The following DNAAF4 variants were observed in gnomAD, a reference collection of about 807,000 sequenced individuals.
DNAAF4 encodes the protein dynein assembly factor 4, axonemal.
In DNAAF4, 43 loss-of-function variants were observed where a neutral mutation model predicts 51.8. That is an observed-to-expected ratio of 0.83 (90% CI 0.65 to 1.07). DNAAF4 has a LOEUF of 1.07. Among genes scored for constraint, DNAAF4 ranks in the 50% least tolerant of loss-of-function variants. DNAAF4 has a pLI of 0.00. For missense variants in DNAAF4, 581 were observed against 493.0 expected, an observed-to-expected ratio of 1.18 and a Z score of -1.69; for synonymous variants, 194 against 165.6, an observed-to-expected ratio of 1.17 and a Z score of -1.32.
At chr15:55,450,494 G>T in intron 5 of DNAAF4, 127 bp from the exon 6 acceptor site, 1 of 1,147,070 alleles carries the variant, frequency 8.7e-7, no homozygotes, top group Non-Finnish European at 1.2e-6. Context: ...TATATTTTCT[G>T]CAAGAAAAGA....
chr15:55,498,294 C>A lies in DNAAF4; in HGVS notation c.36G>T (p.Gln12His). Reference sequence around the variant, plus strand: ...GAGACAGAAAGACCGCAGTCTTCGTCTGCTGCCAGCTGTAATCGCTAACCT... The same window carrying A: ...GAGACAGAAAGACCGCAGTCTTCGTATGCTGCCAGCTGTAATCGCTAACCT... ...PLQVSDYSWQ[Q>H]TKTAVFLSLP... is the part of the protein sequence containing the mutation. Residue 12 changes from glutamine to histidine, a missense_variant, in exon 2 of 10, where the codon CAG becomes CAT. By Grantham distance (24) the Gln-to-His change is conservative (BLOSUM62 0). Coordinates refer to ENST00000321149, the MANE Select transcript of DNAAF4 (RefSeq NM_130810.4). The A allele has an allele frequency of 1.2e-6, 2 of 1,613,200 alleles. No individual in the cohort carries two copies. Among genetic ancestry groups the A allele is most frequent in the Non-Finnish European group, 1.7e-6 (2 of 1,179,514 alleles).
intron 3 of DNAAF4, among the ~76,000 whole-genome samples, chr15:55,491,746 T>C (rs983537430): frequency 1.2e-3 from 176 of 141,518 alleles, no homozygotes; most frequent in African/African-American, 4.4e-3. Context: ...TATATAATAT[T>C]ATATTATAAT....
intron 4 of DNAAF4, among the ~76,000 whole-genome samples, chr15:55,476,454 T>C (rs540934805): frequency 6.6e-6 from 1 of 152,232 alleles, no homozygotes; most frequent in Non-Finnish European, 1.5e-5. Context: ...CCTTATCTCT[T>C]AAAAGAGAAA....
At chr15:55,461,474 T>A (rs1210580937) in intron 5 of DNAAF4, among the ~76,000 whole-genome samples, 1 of 152,160 alleles carries the variant, frequency 6.6e-6, no homozygotes, top group Non-Finnish European at 1.5e-5. Context: ...GGATATTGAC[T>A]TCAAAAGGAA....
chr15:55,489,088 C>CAA (rs370570288), intron 4 of DNAAF4, among the ~76,000 whole-genome samples: 15 of 136,052 alleles, frequency 1.1e-4, no homozygotes, highest in African/African-American at 2.9e-4. Context: ...GACTCCATCT[C>CAA]AAAAAAAAAA....
chr15:55,489,996 A>C (rs2058548585), intron 4 of DNAAF4, among the ~76,000 whole-genome samples: 2 of 150,850 alleles, frequency 1.3e-5, no homozygotes, highest in South Asian at 4.2e-4. Flanking sequence ...GCCTCAGCCT[A>C]CCGAGTAGCT....
chr15:55,488,818 G>A (rs1262780118), intron 4 of DNAAF4, among the ~76,000 whole-genome samples: 7 of 152,208 alleles, frequency 4.6e-5, no homozygotes, highest in African/African-American at 1.7e-4. Flanking sequence ...GCTGGGTGCG[G>A]CAGCTCACAC....
chr15:55,448,944 G>C (rs1005763657), intron 6 of DNAAF4, among the ~76,000 whole-genome samples: 11 of 150,142 alleles, frequency 7.3e-5, no homozygotes, highest in Admixed American at 1.3e-4. Context: ...AAAATACCTT[G>C]TTTAATAATA....
intron 4 of DNAAF4, 93 bp from the exon 5 acceptor site, chr15:55,467,254 C>G: frequency 1.7e-6 from 2 of 1,144,128 alleles, no homozygotes; most frequent in South Asian, 2.9e-5. Context: ...TTATTCATAC[C>G]TCTAAACTCT....
At chr15:55,506,517 T>C (rs996999738) in intron 1 of DNAAF4, among the ~76,000 whole-genome samples, 6 of 152,186 alleles carry the variant, frequency 3.9e-5, no homozygotes, top group Non-Finnish European at 8.8e-5. Flanking sequence ...TCCTGAGTTC[T>C]AATAATAAAA....
At chr15:55,506,550 G>A (rs1348098175) in intron 1 of DNAAF4, among the ~76,000 whole-genome samples, 2 of 152,116 alleles carry the variant, frequency 1.3e-5, no homozygotes, top group Non-Finnish European at 2.9e-5. Context: ...ATTGCCAAAT[G>A]TCTTCTGGGT....
At chr15:55,419,515 G>A (rs11071186) in intron 7 of DNAAF4, among the ~76,000 whole-genome samples, 65,819 of 151,784 alleles carry the variant, frequency 0.43, 15,318 homozygotes, top group East Asian at 0.74. Flanking sequence ...TGGGATTACA[G>A]GAGTGAGCCA....
intron 8 of DNAAF4, among the ~76,000 whole-genome samples, chr15:55,433,324 G>A (rs905216397): frequency 1.3e-5 from 2 of 152,086 alleles, no homozygotes; most frequent in African/African-American, 4.8e-5. Flanking sequence ...CACACAAAAG[G>A]CCTCGGCCGG....
At chr15:55,473,213 A>G (rs1307459250) in intron 4 of DNAAF4, among the ~76,000 whole-genome samples, 2 of 127,614 alleles carry the variant, frequency 1.6e-5, no homozygotes, top group African/African-American at 5.7e-5. Context: ...ATATATATAT[A>G]TATATATATG....
intron 7 of DNAAF4, among the ~76,000 whole-genome samples, chr15:55,423,446 A>C (rs2057404373): frequency 1.3e-5 from 2 of 152,012 alleles, no homozygotes; most frequent in South Asian, 4.2e-4. Flanking sequence ...TCCTGGGCTC[A>C]AGTTATCCTC....
chr15:55,482,734 A>G (rs1466526171), intron 4 of DNAAF4, among the ~76,000 whole-genome samples: 3 of 152,172 alleles, frequency 2.0e-5, no homozygotes, highest in African/African-American at 7.2e-5. Context: ...AAGTACATGA[A>G]TGGTCATAGT....
chr15:55,432,424 A>G, intron 9 of DNAAF4, 73 bp downstream of exon 9: 1 of 1,254,094 alleles, frequency 8.0e-7, no homozygotes, highest in Non-Finnish European at 1.1e-6. Flanking sequence ...AAAAGTCACG[A>G]TCTTAAATAA....
At chr15:55,468,400 T>C (rs1276757746) in intron 4 of DNAAF4, among the ~76,000 whole-genome samples, 1 of 152,212 alleles carries the variant, frequency 6.6e-6, no homozygotes, top group Non-Finnish European at 1.5e-5. Flanking sequence ...CAATTTTACC[T>C]CAGGCTTAAA....
intron 4 of DNAAF4, among the ~76,000 whole-genome samples, chr15:55,479,423 T>A (rs1320988542): frequency 6.6e-6 from 1 of 152,180 alleles, no homozygotes; most frequent in Non-Finnish European, 1.5e-5. Context: ...AAGCTGAGGA[T>A]GTATGTCACC....
Sources: gnomAD v4.1 joint callset for allele counts (sites outside exome capture counted in the v4.1 genomes callset) on GRCh38, gnomAD v4.1.1 for gene constraint, MANE v1.5 for transcripts, NCBI Gene and HGNC (gene_info 2026-07-23, HGNC 2026-07-21) for gene names.